NCK2: variants seen among roughly 807,000 people sequenced by gnomAD.
The protein encoded by NCK2 is NCK adaptor protein 2.
A neutral mutation model predicts 33.9 loss-of-function variants in NCK2; 16 were observed. That is an observed-to-expected ratio of 0.47 (90% CI 0.32 to 0.72). NCK2 has a LOEUF of 0.72. Among genes scored for constraint, NCK2 ranks in the 30% least tolerant of loss-of-function variants. NCK2 has a pLI of 0.03. For missense variants in NCK2, 418 were observed against 537.3 expected (o/e 0.78, Z 2.19); for synonymous variants, 273 against 239.9 (o/e 1.14, Z -1.27).
intron 1 of NCK2, among the ~76,000 whole-genome samples, chr2:105,748,801 AGT>A (rs1369910823): frequency 2.0e-5 from 3 of 152,094 alleles, no homozygotes; most frequent in Admixed American, 2.0e-4. Context: ...ATACACAATG[AGT>A]GTGCAACAAA....
chr2:105,786,856 A>AGCCTTAG (rs3073525), intron 1 of NCK2, among the ~76,000 whole-genome samples: 115,809 of 152,046 alleles, frequency 0.76, 45,503 homozygotes, highest in South Asian at 0.9. Context: ...CTCCCACCCT[A>AGCCTTAG]GCCTTAGGCT....
At chr2:105,790,288 C>T (rs758718100) in intron 1 of NCK2, among the ~76,000 whole-genome samples, 8 of 152,244 alleles carry the variant, frequency 5.3e-5, no homozygotes, top group Non-Finnish European at 7.3e-5. Context: ...CAGCTCTCGT[C>T]ATTGCCCACC....
intron 3 of NCK2, among the ~76,000 whole-genome samples, chr2:105,874,740 A>G (rs1369209796): frequency 3.3e-5 from 5 of 152,246 alleles, no homozygotes; most frequent in African/African-American, 9.6e-5. Flanking sequence ...TCTTCATCTG[A>G]AAGGGGATAT....
intron 1 of NCK2, among the ~76,000 whole-genome samples, chr2:105,757,223 G>A (rs1022918170): frequency 5.9e-5 from 9 of 152,164 alleles, no homozygotes; most frequent in African/African-American, 1.2e-4. Context: ...ATTGCATAGC[G>A]AAGTTTTAAA....
intron 2 of NCK2, among the ~76,000 whole-genome samples, chr2:105,832,602 T>C (rs1008503684): frequency 2.0e-5 from 3 of 152,224 alleles, no homozygotes; most frequent in African/African-American, 7.2e-5. Context: ...ATCACATTTA[T>C]TGATTTGCAT....
intron 2 of NCK2, among the ~76,000 whole-genome samples, chr2:105,829,039 C>T (rs1013561070): frequency 1.3e-5 from 2 of 152,160 alleles, no homozygotes; most frequent in African/African-American, 4.8e-5. Context: ...GGGGCATAGC[C>T]ATGCTGACTG....
chr2:105,885,785 T>G (rs1333150548), intron 4 of NCK2, among the ~76,000 whole-genome samples: 3 of 152,226 alleles, frequency 2.0e-5, no homozygotes, highest in African/African-American at 7.2e-5. Flanking sequence ...TAATACTACA[T>G]TTCCATGAAT....
chr2:105,759,031 AATTAGTGATAGACT>A (rs1490554104), intron 1 of NCK2, among the ~76,000 whole-genome samples: 31 of 152,350 alleles, frequency 2.0e-4, no homozygotes, highest in African/African-American at 7.5e-4. Flanking sequence ...TACTATAGTT[AATTAGTGATAGACT>A]ATAATTAATG....
intron 1 of NCK2, among the ~76,000 whole-genome samples, chr2:105,745,435 G>A (rs552390636): frequency 6.6e-6 from 1 of 152,008 alleles, no homozygotes; most frequent in African/African-American, 2.4e-5. Flanking sequence ...CGAGGATCAG[G>A]GCAGGGGGCC....
intron 1 of NCK2, among the ~76,000 whole-genome samples, chr2:105,787,724 AG>A (rs1176616675): frequency 2.6e-5 from 4 of 152,170 alleles, no homozygotes; most frequent in African/African-American, 9.7e-5. Flanking sequence ...CCTTCCCCAT[AG>A]GAGCATCTCC....
chr2:105,883,894 G>A (rs1453244938), intron 4 of NCK2, among the ~76,000 whole-genome samples: 1 of 152,166 alleles, frequency 6.6e-6, no homozygotes, highest in African/African-American at 2.4e-5. Context: ...ATGATTCTAG[G>A]AATATAGGGC....
intron 1 of NCK2, among the ~76,000 whole-genome samples, chr2:105,795,056 C>G (rs1691028698): frequency 6.6e-6 from 1 of 152,058 alleles, no homozygotes; most frequent in Non-Finnish European, 1.5e-5. Flanking sequence ...CAAAACTGAG[C>G]AGAAGGTACA....
intron 2 of NCK2, among the ~76,000 whole-genome samples, chr2:105,832,895 G>C (rs922969423): frequency 7.0e-6 from 1 of 142,322 alleles, no homozygotes; most frequent in African/African-American, 2.6e-5. Flanking sequence ...GTTTTGTTTT[G>C]TTTTTTGGAA....
intron 1 of NCK2, among the ~76,000 whole-genome samples, chr2:105,776,352 A>G (rs1690300249): frequency 6.6e-6 from 1 of 152,222 alleles, no homozygotes; most frequent in African/African-American, 2.4e-5. Context: ...GGAAGCAGCC[A>G]AAGCACGTTT....
intron 2 of NCK2, chr2:105,854,615 A>G (rs1677187760): frequency 6.5e-6 from 1 of 153,904 alleles, no homozygotes; most frequent in South Asian, 2.0e-4. Flanking sequence ...TTATTAGTAC[A>G]ATGTTAATTT....
chr2:105,858,332 T>C (rs1260112703), intron 3 of NCK2, among the ~76,000 whole-genome samples: 4 of 152,154 alleles, frequency 2.6e-5, no homozygotes, highest in African/African-American at 9.7e-5. Context: ...AATCCCTGCT[T>C]ACTGTAGTAT....
intron 1 of NCK2, among the ~76,000 whole-genome samples, chr2:105,789,909 G>A (rs1690817242): frequency 6.6e-6 from 1 of 152,240 alleles, no homozygotes; most frequent in Non-Finnish European, 1.5e-5. Context: ...GGTTGGATAT[G>A]AGTGGTCGCC....
chr2:105,756,777 T>C (rs1689609546), intron 1 of NCK2, among the ~76,000 whole-genome samples: 1 of 152,226 alleles, frequency 6.6e-6, no homozygotes, highest in African/African-American at 2.4e-5. Flanking sequence ...TCCATTACAA[T>C]GGGAGCTGGA....
At chr2:105,866,329 T>C (rs551238773) in intron 3 of NCK2, among the ~76,000 whole-genome samples, 1 of 152,038 alleles carries the variant, frequency 6.6e-6, no homozygotes. Flanking sequence ...CTTTTCCCAG[T>C]GTTAATATAA....
Sources: gnomAD v4.1 joint callset for allele counts (sites outside exome capture counted in the v4.1 genomes callset) on GRCh38, gnomAD v4.1.1 for gene constraint, MANE v1.5 for transcripts, NCBI Gene and HGNC (gene_info 2026-07-23, HGNC 2026-07-21) for gene names.